CADM2: variants seen among roughly 807,000 people sequenced by gnomAD.
CADM2 encodes the protein cell adhesion molecule 2.
CADM2 carries 12 observed loss-of-function variants against 49.8 expected under a neutral mutation model. That is an observed-to-expected ratio of 0.24 (90% CI 0.15 to 0.39). The LOEUF is 0.39. CADM2 is among the 10% of genes least tolerant of loss of function. The probability of loss-of-function intolerance (pLI) is 1.00; values close to 1 mark genes in which losing one functional copy is unlikely to be tolerated. For missense variants in CADM2, 378 were observed against 492.3 expected, an observed-to-expected ratio of 0.77 and a Z score of 2.20; for synonymous variants, 214 against 175.4, an observed-to-expected ratio of 1.22 and a Z score of -1.74.
rs113750587 is a variant in CADM2, at chr3:85,434,733, T to C, written c.62-291789T>C. ...CAATTTTAATATTACCCTCTGAGAT[T>C]GTAGCCACTCAATTTAGTATTACCT... is the stretch of plus-strand genomic sequence containing the variant. On this transcript the variant is annotated intron_variant, in intron 1 of 9. Coordinates refer to ENST00000383699, the MANE Select transcript of CADM2 (RefSeq NM_001167675.2). Among the ~76,000 whole-genome samples, 273 of 152,258 alleles carry C rather than the reference T, an allele frequency of 1.8e-3. 1 individual carries two copies. The highest frequency in any genetic ancestry group is 3.7e-3 in the Admixed American group (57 of 15,260).
intron 7 of CADM2, among the ~76,000 whole-genome samples, chr3:85,939,152 T>C (rs933667266): frequency 1.3e-5 from 2 of 152,010 alleles, no homozygotes; most frequent in Non-Finnish European, 2.9e-5. Context: ...CCAGTGACTG[T>C]TTATGAACAA....
intron 1 of CADM2, among the ~76,000 whole-genome samples, chr3:85,587,438 G>T (rs1202608459): frequency 2.6e-5 from 4 of 151,978 alleles, no homozygotes; most frequent in Non-Finnish European, 4.4e-5. Context: ...AATGTCTTAG[G>T]CAAAGAATTC....
chr3:85,128,854 C>T (rs985145158), intron 1 of CADM2, among the ~76,000 whole-genome samples: 1 of 152,140 alleles, frequency 6.6e-6, no homozygotes, highest in South Asian at 2.1e-4. Flanking sequence ...ACTTTATTTA[C>T]TGTGGGGCAG....
At chr3:85,093,643 TAA>T (rs2037683972) in intron 1 of CADM2, among the ~76,000 whole-genome samples, 1 of 152,190 alleles carries the variant, frequency 6.6e-6, no homozygotes, top group African/African-American at 2.4e-5. Context: ...TCTATTTCTA[TAA>T]AATAATATTT....
intron 1 of CADM2, among the ~76,000 whole-genome samples, chr3:85,628,801 T>C (rs2064213661): frequency 6.6e-6 from 1 of 151,062 alleles, no homozygotes; most frequent in Admixed American, 6.6e-5. Flanking sequence ...TGGGAATATC[T>C]TAAATGAATC....
chr3:85,949,852 G>A (rs1723232754), intron 7 of CADM2, among the ~76,000 whole-genome samples: 1 of 150,998 alleles, frequency 6.6e-6, no homozygotes, highest in South Asian at 2.1e-4. Context: ...GTAATGGGTT[G>A]TAAAATTACT....
chr3:85,277,070 C>T (rs2106870810), intron 1 of CADM2, among the ~76,000 whole-genome samples: 1 of 151,296 alleles, frequency 6.6e-6, no homozygotes, highest in South Asian at 2.1e-4. Flanking sequence ...AATGATAGAA[C>T]ATTGTTATTA....
At chr3:85,834,673 C>A (rs373672407) in intron 3 of CADM2, among the ~76,000 whole-genome samples, 3 of 151,086 alleles carry the variant, frequency 2.0e-5, no homozygotes, top group Non-Finnish European at 3.0e-5. Context: ...CTACTGGACA[C>A]ATGGAGAACA....
chr3:85,075,595 G>A (rs1196593751), intron 1 of CADM2, among the ~76,000 whole-genome samples: 1 of 152,046 alleles, frequency 6.6e-6, no homozygotes, highest in African/African-American at 2.4e-5. Context: ...AATATTCTCA[G>A]TTTGTTTGTT....
chr3:85,875,072 C>A (rs1422328433), intron 3 of CADM2, among the ~76,000 whole-genome samples: 1 of 152,102 alleles, frequency 6.6e-6, no homozygotes, highest in East Asian at 1.9e-4. Context: ...AGTAAAAATT[C>A]GGTCCAGGCT....
intron 8 of CADM2, chr3:86,013,563 T>C: frequency 6.2e-7 from 1 of 1,602,810 alleles, no homozygotes; most frequent in Non-Finnish European, 8.5e-7. Context: ...GGTAGAGATC[T>C]GTGAGAGCTG....
chr3:85,367,080 ATG>A (rs2032840580), intron 1 of CADM2, among the ~76,000 whole-genome samples: 1 of 152,006 alleles, frequency 6.6e-6, no homozygotes, highest in African/African-American at 2.4e-5. Flanking sequence ...CCATAAATTG[ATG>A]TGTCCAATTA....
chr3:85,776,429 C>A (rs1179843874), intron 2 of CADM2, among the ~76,000 whole-genome samples: 2 of 151,604 alleles, frequency 1.3e-5, no homozygotes, highest in East Asian at 1.9e-4. Flanking sequence ...CTACTGAAGT[C>A]AAATCACCAT....
At chr3:85,970,681 A>G (rs1456426009) in intron 8 of CADM2, among the ~76,000 whole-genome samples, 2 of 151,616 alleles carry the variant, frequency 1.3e-5, no homozygotes, top group Non-Finnish European at 3.0e-5. Context: ...ACAAACATTT[A>G]TGTCAAAATT....
At chr3:85,755,606 G>A (rs1156520275) in intron 2 of CADM2, among the ~76,000 whole-genome samples, 1 of 152,146 alleles carries the variant, frequency 6.6e-6, no homozygotes, top group African/African-American at 2.4e-5. Context: ...TGTACAGGAA[G>A]CATGGCTGGG....
chr3:85,714,742 T>A (rs1481945160), intron 1 of CADM2, among the ~76,000 whole-genome samples: 1 of 152,136 alleles, frequency 6.6e-6, no homozygotes, highest in African/African-American at 2.4e-5. Context: ...GTTTATCTAT[T>A]TTTACTTGAC....
intron 2 of CADM2, among the ~76,000 whole-genome samples, chr3:85,777,244 AATTATT>A (rs71112117): frequency 1.3e-5 from 2 of 148,722 alleles, no homozygotes; most frequent in African/African-American, 2.5e-5. Context: ...GTTTTTAAAA[AATTATT>A]ATTATTATTA....
chr3:85,489,066 A>G (rs955913233), intron 1 of CADM2, among the ~76,000 whole-genome samples: 10 of 152,114 alleles, frequency 6.6e-5, no homozygotes, highest in African/African-American at 1.9e-4. Context: ...CAAGTGTCAC[A>G]TCTATTCAAC....
intron 1 of CADM2, among the ~76,000 whole-genome samples, chr3:85,703,503 T>C (rs1411891692): frequency 1.3e-5 from 2 of 152,154 alleles, no homozygotes; most frequent in South Asian, 2.1e-4. Context: ...TGTTTTCTGT[T>C]TTCTAATGGA....
Sources: gnomAD v4.1 joint callset for allele counts (sites outside exome capture counted in the v4.1 genomes callset) on GRCh38, gnomAD v4.1.1 for gene constraint, MANE v1.5 for transcripts, NCBI Gene and HGNC (gene_info 2026-07-23, HGNC 2026-07-21) for gene names.